The following MNT variants were observed in gnomAD, a reference collection of about 807,000 sequenced individuals.
MNT encodes max-binding protein MNT.
MNT carries 13 observed loss-of-function variants against 40.7 expected under a neutral mutation model. The observed-to-expected ratio is 0.32, with a 90% CI of 0.21 to 0.51. The LOEUF (loss-of-function observed/expected upper bound fraction) is 0.51, where lower values mean the gene tolerates loss of function less well. MNT is among the 20% of genes least tolerant of loss of function. MNT has a pLI of 0.98. For missense variants in MNT, 757 were observed against 792.0 expected (o/e 0.96, Z 0.53); for synonymous variants, 426 against 354.8 (o/e 1.20, Z -2.26).
chr17:2,387,135 G>C lies in MNT; in HGVS notation c.1515C>G (p.Gly505=). The change falls in exon 6 of 6, where the codon GGC becomes GGG. Residue 505 remains glycine (G), a synonymous_variant. Coordinates refer to ENST00000174618, the MANE Select transcript of MNT (RefSeq NM_020310.3). ...PATLNHVAHL[G]SQLPLYPQPV... ...GCTGCGGGTACAAGGGCAGCTGGGAGCCCAGGTGGGCCACATGGTTGAGGG... is the reference window on the plus strand; with the variant it reads ...GCTGCGGGTACAAGGGCAGCTGGGACCCCAGGTGGGCCACATGGTTGAGGG... The C allele has an allele frequency of 6.3e-7, 1 of 1,594,490 alleles. No individual in the cohort carries two copies. The highest frequency in any genetic ancestry group is 1.1e-5 in the South Asian group (1 of 88,390).
At position 2,387,349 on chromosome 17, in the gene MNT, G is replaced by A; in HGVS notation, c.1301C>T (p.Ala434Val). 1.2e-6 allele frequency: 2 copies of A among 1,612,512 alleles called. No homozygotes were observed. Among genetic ancestry groups the A allele is most frequent in the Non-Finnish European group, 1.7e-6 (2 of 1,179,522 alleles). ...VPAPAHLVATAGGGSTVIAHT... is the reference protein window; with the variant it reads ...VPAPAHLVATVGGGSTVIAHT... ...GGCGATGACCGTGGAGCCACCCCCA[G>A]CCGTCGCCACCAGATGGGCTGGAGC... The change falls in exon 6 of 6, where the codon GCT (alanine) becomes GTT (valine). Residue 434 changes from alanine (A) to valine (V), a missense_variant. By Grantham distance (64) the Ala-to-Val change is moderately conservative. Around this residue, in one of 4 missense-constraint regions of MNT, gnomAD observed 345 missense variants for 380.1 expected, o/e 0.91. Transcript: ENST00000174618.
chr17:2,393,969 G>C, intron 4 of MNT, 74 bp downstream of exon 4: 3 of 1,057,468 alleles, frequency 2.8e-6, no homozygotes, highest in Non-Finnish European at 3.9e-6. Flanking sequence ...AGGGCGGGGC[G>C]GGGCGCGGCC....
chr17:2,388,078 C>T (rs1167667962), intron 4 of MNT, 29 bp from the exon 5 acceptor site: 1 of 1,527,106 alleles, frequency 6.5e-7, no homozygotes. Context: ...GACAGCAGGA[C>T]ACCCTGAGCA....
In MNT at chr17:2,394,103, G is replaced by A. The variant is rs774980466; in HGVS notation, c.747C>T (p.Asn249=). 3.1e-6 allele frequency: 5 copies of A among 1,609,510 alleles called. No homozygotes were observed. The highest frequency in any genetic ancestry group is 1.3e-5 in the African/African-American group (1 of 74,266). ...CFETLKRNIP[N]VDDKKTSNLS... ...GATTGGACGTCTTCTTGTCATCCAC[G>A]TTGGGGATGTTCCGCTTCAGGGTCT... The change falls in exon 4 of 6, where the codon AAC becomes AAT. Residue 249 remains asparagine (N), a synonymous_variant. Coordinates refer to ENST00000174618, the MANE Select transcript of MNT (RefSeq NM_020310.3).
At chr17:2,392,990 G>A (rs1263959321) in intron 4 of MNT, among the ~76,000 whole-genome samples, 1 of 152,110 alleles carries the variant, frequency 6.6e-6, no homozygotes, top group Non-Finnish European at 1.5e-5. Context: ...CTGTGACCCC[G>A]CGGTCGAGGC....
In MNT at chr17:2,385,432, G is replaced by C. The variant is rs1307122010; in HGVS notation, c.*1469C>G. 4 of 152,282 alleles carry C rather than the reference G, an allele frequency of 2.6e-5. No individual in the cohort carries two copies. The South Asian group carries it at 8.3e-4, about 32-fold the overall frequency. 9.4% of individuals were successfully genotyped at this position (152,282 alleles called of 1,614,324 possible). On this transcript the variant is annotated 3_prime_UTR_variant, in exon 6 of 6. Coordinates refer to ENST00000174618, the MANE Select transcript of MNT (RefSeq NM_020310.3). ...ACACTGAAAGGCCACTGGTGAGTGT[G>C]TGTCCAGGTGGGGAGCCGAGCGTGT...
intron 4 of MNT, among the ~76,000 whole-genome samples, chr17:2,392,392 GGCT>G (rs1567867128): frequency 6.6e-6 from 1 of 152,130 alleles, no homozygotes; most frequent in African/African-American, 2.4e-5. Flanking sequence ...TTCCTTCTGC[GGCT>G]GCTGCTGAGT....
chr17:2,390,141 C>G (rs1007781159), intron 4 of MNT: 2 of 152,276 alleles, frequency 1.3e-5, no homozygotes, highest in African/African-American at 4.8e-5. Flanking sequence ...CTGCATAGTC[C>G]GTTTAGATCC....
intron 1 of MNT, among the ~76,000 whole-genome samples, chr17:2,397,101 C>T (rs2066583597): frequency 6.6e-6 from 1 of 152,178 alleles, no homozygotes; most frequent in Non-Finnish European, 1.5e-5. Flanking sequence ...GGTTTCCCAG[C>T]AGCCGGAGTT....
At chr17:2,387,696 A>C (rs1405328237) in intron 5 of MNT, 47 bp from the exon 6 acceptor site, 1 of 1,605,700 alleles carries the variant, frequency 6.2e-7, no homozygotes, top group Non-Finnish European at 8.5e-7. Context: ...GCGGGGAAGC[A>C]AGTGGCTGGA....
In MNT at chr17:2,384,152, C is replaced by T. The variant is rs944486401; in HGVS notation, c.*2749G>A. ...TATTACATGGATAGTATTCATGTCTCGGTAACTAAAGTCTTGGAGCATGAA... is the reference window on the plus strand; with the variant it reads ...TATTACATGGATAGTATTCATGTCTTGGTAACTAAAGTCTTGGAGCATGAA... On this transcript the variant is annotated 3_prime_UTR_variant, in exon 6 of 6. Coordinates refer to ENST00000174618, the MANE Select transcript of MNT (RefSeq NM_020310.3). 2.0e-5 allele frequency: 3 copies of T among 152,278 alleles called. No homozygotes were observed. The highest frequency in any genetic ancestry group is 2.0e-4 in the Admixed American group (3 of 15,262). 9.4% of individuals were successfully genotyped at this position (152,278 alleles called of 1,614,324 possible).
rs1312328761 is a variant in MNT at position 2,395,309 on chromosome 17, C to T, written c.219G>A (p.Pro73=). 6.8e-6 allele frequency: 10 copies of T among 1,464,528 alleles called. No homozygotes were observed. Among genetic ancestry groups the T allele is most frequent in the South Asian group, 1.1e-5 (1 of 87,912 alleles). 90.7% of individuals were successfully genotyped at this position (1,464,528 alleles called of 1,614,324 possible). A position where few individuals can be genotyped will look rare whatever the true frequency, so the allele number is the denominator to read the frequency against. Residue 73 remains proline (P), a synonymous_variant, in exon 2 of 6, where the codon CCG becomes CCA. Coordinates refer to ENST00000174618, the MANE Select transcript of MNT (RefSeq NM_020310.3). Reference sequence around the variant, plus strand: ...TGGCAAGTGGTGGTGGGGGTGCCGGCGGGGGAGCCGGTGGAGACAGAGGCA... The same window carrying T: ...TGGCAAGTGGTGGTGGGGGTGCCGGTGGGGGAGCCGGTGGAGACAGAGGCA... The part of the protein sequence containing the change: ...PPLPLSPPAP[P]PAPPPPLATP...
Position 2,400,864 on chromosome 17 carries a change from G to T in MNT, c.-152C>A. On this transcript the variant is annotated 5_prime_UTR_variant, in exon 1 of 6. Coordinates refer to ENST00000174618, the MANE Select transcript of MNT (RefSeq NM_020310.3). ...GCGCACTCCGCAGGGAAGAACGGGGGAGCACGGGGAGAAAAATCAATGTCT... is the reference window on the plus strand; with the variant it reads ...GCGCACTCCGCAGGGAAGAACGGGGTAGCACGGGGAGAAAAATCAATGTCT... 2.2e-6 allele frequency: 1 copy of T among 459,132 alleles called. No homozygotes were observed. The highest frequency in any genetic ancestry group is 3.8e-6 in the Non-Finnish European group (1 of 264,862). 28.4% of individuals were successfully genotyped at this position (459,132 alleles called of 1,614,324 possible).
intron 1 of MNT, 36 bp from the exon 2 acceptor site, chr17:2,395,490 G>A (rs774269149): frequency 2.1e-5 from 33 of 1,605,432 alleles, no homozygotes; most frequent in Non-Finnish European, 2.3e-5. Flanking sequence ...GAGGGTCTCA[G>A]CGGGGCCCCA....
At chr17:2,399,688 G>A (rs977071900) in intron 1 of MNT, among the ~76,000 whole-genome samples, 7 of 152,140 alleles carry the variant, frequency 4.6e-5, no homozygotes, top group African/African-American at 1.7e-4. Flanking sequence ...GCGGTGAGGA[G>A]GGGCCGGGCC....
intron 4 of MNT, chr17:2,390,283 C>T: frequency 6.6e-6 from 1 of 152,458 alleles, no homozygotes; most frequent in African/African-American, 2.4e-5. Flanking sequence ...CTCTTCCCTG[C>T]ATCGCAGGGA....
chr17:2,387,117 G>A lies in MNT; in HGVS notation c.1533C>T (p.Tyr511=), dbSNP rs1422661470. The change falls in exon 6 of 6, where the codon TAC becomes TAT. Residue 511 remains tyrosine, a synonymous_variant. Coordinates refer to ENST00000174618, the MANE Select transcript of MNT (RefSeq NM_020310.3). ...VAHLGSQLPL[Y]PQPVAVSHIA... is the part of the protein sequence containing the mutation. ...TGTGGCTCACTGCCACGGGCTGCGGGTACAAGGGCAGCTGGGAGCCCAGGT... is the reference window on the plus strand; with the variant it reads ...TGTGGCTCACTGCCACGGGCTGCGGATACAAGGGCAGCTGGGAGCCCAGGT... 1.0e-5 allele frequency: 16 copies of A among 1,588,404 alleles called. No homozygotes were observed. The highest frequency in any genetic ancestry group is 5.4e-5 in the African/African-American group (4 of 74,716).
Position 2,387,846 on chromosome 17 carries a change from C to A in MNT, c.1000+11G>T, listed in dbSNP as rs1425116393. On this transcript the variant is annotated intron_variant, in intron 5 of 5. Coordinates refer to ENST00000174618, the MANE Select transcript of MNT (RefSeq NM_020310.3). Reference sequence around the variant, plus strand: ...GAGGGCTGGGGGGCCAGCGTGGGGGCTGGGGCTCACCAGAGGCGGTGGAGG... The same window carrying A: ...GAGGGCTGGGGGGCCAGCGTGGGGGATGGGGCTCACCAGAGGCGGTGGAGG... The A allele has an allele frequency of 6.3e-7, 1 of 1,591,998 alleles. No homozygotes were observed. The highest frequency in any genetic ancestry group is 1.1e-5 in the South Asian group (1 of 89,836).
Position 2,387,055 on chromosome 17 carries a change from G to C in MNT, c.1595C>G (p.Thr532Arg), listed in dbSNP as rs528548579. The C allele has an allele frequency of 1.9e-6, 3 of 1,559,228 alleles. No individual in the cohort carries two copies. The highest frequency in any genetic ancestry group is 1.7e-6 in the Non-Finnish European group (2 of 1,151,522). The change falls in exon 6 of 6, where the codon ACG becomes AGG. Residue 532 changes from threonine to arginine, a missense_variant. Transcript: ENST00000174618. ...AGTAGCCGGGGGCCCCAGGCCGGCC[G>C]TGCCGTTGACTTGCTGGTGCGAGAG... Reference protein sequence around the residue: ...HTLSHQQVNGTAGLGPPATVM... With the variant: ...HTLSHQQVNGRAGLGPPATVM...
Sources: gnomAD v4.1 joint callset for allele counts (sites outside exome capture counted in the v4.1 genomes callset) on GRCh38, gnomAD v4.1.1 for gene constraint, gnomAD v4.1.1 regional missense constraint, MANE v1.5 for transcripts, NCBI Gene and HGNC (gene_info 2026-07-23, HGNC 2026-07-21) for gene names.